The following SHANK2 variants were observed in gnomAD, a reference collection of about 807,000 sequenced individuals.
SHANK2 encodes SH3 and multiple ankyrin repeat domains protein 2.
A neutral mutation model predicts 133.7 loss-of-function variants in SHANK2; 43 were observed. That is an observed-to-expected ratio of 0.32 (90% CI 0.25 to 0.41). The LOEUF (loss-of-function observed/expected upper bound fraction) is 0.41, where lower values mean the gene tolerates loss of function less well. Ranked by LOEUF, SHANK2 falls within the 10% of genes least tolerant of loss-of-function variation. The pLI is 1.00. For missense variants in SHANK2, 1,994 were observed against 2,235.8 expected, an observed-to-expected ratio of 0.89 and a Z score of 2.18; for synonymous variants, 1,017 against 952.8, an observed-to-expected ratio of 1.07 and a Z score of -1.24.
chr11:70,757,934 A>G (rs1488883571), intron 14 of SHANK2, among the ~76,000 whole-genome samples: 1 of 152,152 alleles, frequency 6.6e-6, no homozygotes, highest in Admixed American at 6.5e-5. Flanking sequence ...GTCTGAGATC[A>G]CGGTGTCTGT....
At chr11:71,117,489 A>G (rs1325033175) in intron 4 of SHANK2, among the ~76,000 whole-genome samples, 3 of 152,218 alleles carry the variant, frequency 2.0e-5, no homozygotes, top group East Asian at 1.9e-4. Flanking sequence ...ACTCCCAGGT[A>G]GCTTCCAGGA....
At chr11:70,662,918 ACCGGCACC>A (rs1347794310) in intron 15 of SHANK2, among the ~76,000 whole-genome samples, 2 of 151,934 alleles carry the variant, frequency 1.3e-5, no homozygotes, top group African/African-American at 4.8e-5. Context: ...GATGAAGGCT[ACCGGCACC>A]CCCCCGCCCC....
At position 70,578,689 on chromosome 11, in the gene SHANK2, T is replaced by C. The variant is rs140604787; in HGVS notation, c.2062-75758A>G. Among the ~76,000 whole-genome samples the C allele has an allele frequency of 6.6e-4, 101 of 152,280 alleles. No individual in the cohort carries two copies. In the East Asian group the frequency reaches 0.017, roughly 25 times the overall value. ...GCCAGGTGCGTGACCTCATGCTTGG[T>C]GTCATCGAATCTGCTAATTTACATG... On this transcript the variant is annotated intron_variant, in intron 17 of 25. Transcript: ENST00000601538.
intron 17 of SHANK2, among the ~76,000 whole-genome samples, chr11:70,629,331 C>T (rs527886557): frequency 2.0e-5 from 3 of 152,272 alleles, no homozygotes; most frequent in Non-Finnish European, 2.9e-5. Flanking sequence ...CCGCCTCTTT[C>T]GAACTCTCTG....
At chr11:70,938,557 G>A (rs1486023400) in intron 10 of SHANK2, among the ~76,000 whole-genome samples, 3 of 152,176 alleles carry the variant, frequency 2.0e-5, no homozygotes, top group African/African-American at 2.4e-5. Flanking sequence ...CAAAGAAACA[G>A]TATTTACTCA....
At chr11:70,699,603 C>G (rs1370199600) in intron 14 of SHANK2, among the ~76,000 whole-genome samples, 2 of 152,204 alleles carry the variant, frequency 1.3e-5, no homozygotes, top group Non-Finnish European at 2.9e-5. Context: ...TTAGCCTCCT[C>G]CATCCCAAAT....
intron 2 of SHANK2, among the ~76,000 whole-genome samples, chr11:71,199,526 C>A (rs1953977537): frequency 6.6e-6 from 1 of 152,244 alleles, no homozygotes; most frequent in Non-Finnish European, 1.5e-5. Flanking sequence ...GAAGACACAG[C>A]AGCAAGGTTG....
At chr11:70,928,478 C>T (rs1309985758) in intron 10 of SHANK2, among the ~76,000 whole-genome samples, 3 of 152,158 alleles carry the variant, frequency 2.0e-5, no homozygotes, top group African/African-American at 7.2e-5. Context: ...AACAACCTCA[C>T]CCCCAGAAGA....
chr11:70,502,742 C>T lies in SHANK2; in HGVS notation c.2197+54G>A, dbSNP rs868942847. On this transcript the variant is annotated intron_variant, in intron 18 of 25. Transcript: ENST00000601538. ...CCCCCAGCTGTCCTGCCCGCCCCCA[C>T]CCCCCCCCCCCAGTAGGGCCCCAGG... 2.3e-5 allele frequency: 10 copies of T among 434,398 alleles called. 1 individual carries two copies. Among genetic ancestry groups the T allele is most frequent in the Non-Finnish European group, 2.9e-5 (9 of 314,330 alleles). The allele number at this position is 434,398 out of a possible 1,614,324, so 26.9% of individuals were successfully genotyped here.
chr11:71,237,212 G>T (rs115052573), intron 1 of SHANK2, among the ~76,000 whole-genome samples: 2 of 152,174 alleles, frequency 1.3e-5, no homozygotes, highest in Admixed American at 1.3e-4. Flanking sequence ...TAGCCAGTGG[G>T]CAATAAGGAC....
intron 6 of SHANK2, among the ~76,000 whole-genome samples, chr11:71,101,611 G>A (rs367967547): frequency 2.6e-5 from 4 of 152,166 alleles, no homozygotes; most frequent in South Asian, 2.1e-4. Context: ...TCACATTCCC[G>A]GGTGCCGTTA....
In SHANK2 at chr11:71,094,656, C is replaced by T. The variant is rs183556625; in HGVS notation, c.625G>A (p.Asp209Asn). 1,278 of 1,551,822 alleles carry T rather than the reference C, an allele frequency of 8.2e-4. 12 individuals are homozygous for T. The South Asian group carries it at 8.8e-3, about 11-fold the overall frequency. ...AGAGCTTTGATGACCTCCACAGAGT[C>T]GTCCAGCTGAGCGGCTAAGGTCAGG... Reference protein sequence around the residue: ...TPLTLAAQLDDSVEVIKALKN... With the variant: ...TPLTLAAQLDNSVEVIKALKN... The change falls in exon 7 of 26, where the codon GAC becomes AAC. Residue 209 changes from aspartate (D) to asparagine (N), a missense_variant. Around this residue, in one of 5 missense-constraint regions of SHANK2, gnomAD observed 653 missense variants for 563.4 expected, o/e 1.16. Coordinates refer to ENST00000601538, the MANE Select transcript of SHANK2 (RefSeq NM_012309.5).
intron 14 of SHANK2, among the ~76,000 whole-genome samples, chr11:70,786,075 G>A (rs1290236183): frequency 2.6e-5 from 4 of 152,174 alleles, no homozygotes; most frequent in Admixed American, 2.0e-4. Flanking sequence ...AAGCGGGACC[G>A]TGCCAGAATT....
chr11:70,498,160 C>G (rs1309864651), intron 21 of SHANK2, among the ~76,000 whole-genome samples: 1 of 152,254 alleles, frequency 6.6e-6, no homozygotes, highest in African/African-American at 2.4e-5. Context: ...CTTATGTGGG[C>G]TTGAAGTGGT....
intron 6 of SHANK2, among the ~76,000 whole-genome samples, chr11:71,100,169 G>A (rs1951695386): frequency 6.6e-6 from 1 of 152,156 alleles, no homozygotes; most frequent in Non-Finnish European, 1.5e-5. Context: ...GCCAGTAGGA[G>A]TGTAAAATGG....
intron 6 of SHANK2, among the ~76,000 whole-genome samples, chr11:71,103,875 C>A (rs868972477): frequency 8.3e-4 from 110 of 132,376 alleles, no homozygotes; most frequent in African/African-American, 2.6e-3. Flanking sequence ...CCTCTCCCCC[C>A]CTCTTTCTCT....
intron 2 of SHANK2, among the ~76,000 whole-genome samples, chr11:71,201,283 C>T (rs1555117076): frequency 1.3e-5 from 2 of 152,264 alleles, no homozygotes; most frequent in African/African-American, 4.8e-5. Context: ...GAGGTCTCGG[C>T]CACGAGAAGC....
intron 11 of SHANK2, among the ~76,000 whole-genome samples, chr11:70,844,601 G>C (rs1406718523): frequency 6.6e-6 from 1 of 152,174 alleles, no homozygotes; most frequent in African/African-American, 2.4e-5. Flanking sequence ...TAATCTCGTG[G>C]GATGTTACGT....
At chr11:71,198,139 G>A (rs1408801472) in intron 2 of SHANK2, among the ~76,000 whole-genome samples, 5 of 152,062 alleles carry the variant, frequency 3.3e-5, no homozygotes, top group African/African-American at 1.2e-4. Flanking sequence ...TTTAGAGATG[G>A]GGTCTCACTA....
Sources: gnomAD v4.1 joint callset for allele counts (sites outside exome capture counted in the v4.1 genomes callset) on GRCh38, gnomAD v4.1.1 for gene constraint, gnomAD v4.1.1 regional missense constraint, MANE v1.5 for transcripts, NCBI Gene and HGNC (gene_info 2026-07-23, HGNC 2026-07-21) for gene names.